The following MRC2 variants were observed in gnomAD, a reference collection of about 807,000 sequenced individuals.
MRC2 encodes C-type mannose receptor 2.
In MRC2, 84 loss-of-function variants were observed where a neutral mutation model predicts 206.2. That is an observed-to-expected ratio of 0.41 (90% confidence interval 0.34 to 0.49). The LOEUF is 0.49. MRC2 is among the 20% of genes least tolerant of loss of function. The pLI, the probability that MRC2 is intolerant of heterozygous loss-of-function variation, is 0.31. For synonymous variants in MRC2, 798 were observed against 800.0 expected, an observed-to-expected ratio of 1.00 and a Z score of 0.04; for missense variants, 1,676 against 2,001.5, an observed-to-expected ratio of 0.84 and a Z score of 3.10.
In MRC2 at chr17:62,664,735, C is replaced by T. The variant is rs1250813664; in HGVS notation, c.306C>T (p.Asn102=). 2 of 1,613,908 alleles carry T rather than the reference C, an allele frequency of 1.2e-6. No homozygotes were observed. Among genetic ancestry groups the T allele is most frequent in the South Asian group, 2.2e-5 (2 of 91,092 alleles). The change falls in exon 2 of 30, where the codon AAC becomes AAT. Residue 102 remains asparagine, a synonymous_variant. Coordinates refer to ENST00000303375, the MANE Select transcript of MRC2 (RefSeq NM_006039.5). This position sits in a 1 kb window ranked among gnomAD's most constrained non-coding sequence, Gnocchi z 4.7. ...TGGGCACAGGCTGGCCAGGCACCAA[C>T]ACCACGGCCTCCCTGGGCATGTATG... The part of the protein sequence containing the change: ...QCLGTGWPGT[N]TTASLGMYEC...
intron 1 of MRC2, among the ~76,000 whole-genome samples, chr17:62,656,395 T>C (rs947852638): frequency 6.6e-6 from 1 of 152,208 alleles, no homozygotes; most frequent in Non-Finnish European, 1.5e-5. Flanking sequence ...TCTCACCATG[T>C]TACCTAGGCT....
intron 6 of MRC2, among the ~76,000 whole-genome samples, chr17:62,670,708 G>GGTTAGGA (rs1287384290): frequency 2.6e-5 from 4 of 152,322 alleles, no homozygotes; most frequent in Middle Eastern, 3.4e-3. Context: ...TGGGGTTCAG[G>GGTTAGGA]GTTAGGAGTT....
At chr17:62,683,633 G>A (rs2088998366) in intron 20 of MRC2, among the ~76,000 whole-genome samples, 1 of 151,116 alleles carries the variant, frequency 6.6e-6, no homozygotes, top group South Asian at 2.1e-4. Flanking sequence ...GGAGGCTGAG[G>A]CAGGAGGATG....
At chr17:62,661,307 T>C (rs1479465205) in intron 1 of MRC2, among the ~76,000 whole-genome samples, 1 of 152,170 alleles carries the variant, frequency 6.6e-6, no homozygotes, top group African/African-American at 2.4e-5. Context: ...TGCCTTCTGT[T>C]GTTGTTGTTT....
chr17:62,651,977 T>C (rs2088561336), intron 1 of MRC2, among the ~76,000 whole-genome samples: 2 of 152,318 alleles, frequency 1.3e-5, no homozygotes, highest in South Asian at 2.1e-4. Context: ...TAAGTTGTTT[T>C]TTTCTTTTAA....
intron 1 of MRC2, among the ~76,000 whole-genome samples, chr17:62,643,201 G>A (rs1808967693): frequency 6.6e-6 from 1 of 151,914 alleles, no homozygotes; most frequent in Non-Finnish European, 1.5e-5. Flanking sequence ...GGCGGCAGGT[G>A]CCTGTAATCT....
At chr17:62,633,373 G>A (rs2147425496) in intron 1 of MRC2, among the ~76,000 whole-genome samples, 1 of 151,834 alleles carries the variant, frequency 6.6e-6, no homozygotes, top group Non-Finnish European at 1.5e-5. Context: ...GTGATGTGGG[G>A]GCGCCTGTAG....
rs758989291 is a variant in MRC2, at chr17:62,692,371, C to T, written c.4360C>T (p.Arg1454Cys). The T allele has an allele frequency of 1.4e-5, 22 of 1,573,432 alleles. No homozygotes were observed. The highest frequency in any genetic ancestry group is 1.7e-4 in the Middle Eastern group (1 of 6,020). The change falls in exon 30 of 30, where the codon CGC becomes TGC. Residue 1454 changes from arginine (R) to cysteine (C), a missense_variant. By Grantham distance (180) the Arg-to-Cys change is radical. This residue lies in a region of MRC2 where 1,354 missense variants were observed against 1,636.6 expected (regional missense o/e 0.83). Transcript: ENST00000303375. The surrounding 1 kb of genome is among the most constrained non-coding windows in gnomAD (Gnocchi z 4.2). ...GGCCTTTGAGGGTGCCCGCTACAGCCGCAGCAGCTCCAGCCCCACCGAGGC... is the reference window on the plus strand; with the variant it reads ...GGCCTTTGAGGGTGCCCGCTACAGCTGCAGCAGCTCCAGCCCCACCGAGGC... ...RGAFEGARYS[R>C]SSSSPTEATE...
chr17:62,691,110 G>A lies in MRC2; in HGVS notation c.4174G>A (p.Val1392Ile), dbSNP rs1053669824. 1.0e-5 allele frequency: 16 copies of A among 1,606,962 alleles called. No individual in the cohort carries two copies. The highest frequency in any genetic ancestry group is 1.7e-4 in the Middle Eastern group (1 of 6,054). ...GACTNITMGV[V>I]CKLPRAEQSS... ...TTGCACCAACATCACCATGGGTGTCGTCTGCAAGCTTCCTCGTGGTGAGCG... is the reference window on the plus strand; with the variant it reads ...TTGCACCAACATCACCATGGGTGTCATCTGCAAGCTTCCTCGTGGTGAGCG... The change falls in exon 28 of 30, where the codon GTC becomes ATC. Residue 1392 changes from valine to isoleucine, a missense_variant. Physicochemically the swap from Val to Ile is conservative, Grantham distance 29. This residue lies in a region of MRC2 where 1,354 missense variants were observed against 1,636.6 expected (regional missense o/e 0.83). Transcript: ENST00000303375.
chr17:62,677,582 A>G, intron 12 of MRC2, 96 bp downstream of exon 12: 1 of 1,116,422 alleles, frequency 9.0e-7, no homozygotes, highest in Non-Finnish European at 1.3e-6. Context: ...CACAATCCAG[A>G]GACACACCAG....
chr17:62,644,354 G>A (rs1247670543), intron 1 of MRC2, among the ~76,000 whole-genome samples: 76 of 150,800 alleles, frequency 5.0e-4, no homozygotes, highest in Admixed American at 5.0e-3. Context: ...AGAAGATGGA[G>A]GTTGCAGTGG....
At position 62,676,015 on chromosome 17, in the gene MRC2, C is replaced by G; in HGVS notation, c.1685+110C>G. 7.0e-6 allele frequency: 6 copies of G among 861,222 alleles called. No homozygotes were observed. In the South Asian group the frequency reaches 9.3e-5, roughly 13 times the overall value. The allele number at this position is 861,222 out of a possible 1,614,324, so 53.3% of individuals were successfully genotyped here. On this transcript the variant is annotated intron_variant, in intron 10 of 29. Coordinates refer to ENST00000303375, the MANE Select transcript of MRC2 (RefSeq NM_006039.5). Reference sequence around the variant, plus strand: ...CATCATGCCCAGAGGGACCTGGAGTCCTGTGAACCTCAGTGGGCTCCAGGG... The same window carrying G: ...CATCATGCCCAGAGGGACCTGGAGTGCTGTGAACCTCAGTGGGCTCCAGGG...
intron 1 of MRC2, among the ~76,000 whole-genome samples, chr17:62,662,924 A>C (rs2088698582): frequency 1.3e-5 from 2 of 152,240 alleles, no homozygotes; most frequent in Admixed American, 1.3e-4. Context: ...AAGAAACAAA[A>C]AAAAGAAACA....
At chr17:62,691,170 G>A (rs780707756) in intron 28 of MRC2, 42 bp downstream of exon 28, 12 of 1,548,268 alleles carry the variant, frequency 7.8e-6, no homozygotes, top group African/African-American at 2.8e-5. Flanking sequence ...CTTCCACCCC[G>A]TGCCGCTGGT....
At position 62,671,765 on chromosome 17, in the gene MRC2, C is replaced by T. The variant is rs775158529; in HGVS notation, c.1234C>T (p.Arg412Trp). ...GCAGGAGTCCAAGAAGGCATGTCTA[C>T]GGGGCGGTGGCGACCTGGTCAGCAT... Reference protein sequence around the residue: ...SWQESKKACLRGGGDLVSIHS... With the variant: ...SWQESKKACLWGGGDLVSIHS... Residue 412 changes from arginine to tryptophan, a missense_variant, in exon 7 of 30, where the codon CGG (arginine) becomes TGG (tryptophan). This residue lies in a region of MRC2 where 1,354 missense variants were observed against 1,636.6 expected (regional missense o/e 0.83). Coordinates refer to ENST00000303375, the MANE Select transcript of MRC2 (RefSeq NM_006039.5). This position sits in a 1 kb window ranked among gnomAD's most constrained non-coding sequence, Gnocchi z 4.5. 23 of 1,612,932 alleles carry T rather than the reference C, an allele frequency of 1.4e-5. No individual in the cohort carries two copies. The highest frequency in any genetic ancestry group is 1.6e-4 in the Middle Eastern group (1 of 6,064).
chr17:62,684,030 G>T (rs1315809807), intron 20 of MRC2: 1 of 152,130 alleles, frequency 6.6e-6, no homozygotes, highest in African/African-American at 2.4e-5. Flanking sequence ...GAAAGTTGAA[G>T]GTTGTTCAAC....
chr17:62,678,783 CT>C, intron 13 of MRC2, 137 bp downstream of exon 13: 1 of 1,256,894 alleles, frequency 8.0e-7, no homozygotes, highest in Non-Finnish European at 1.1e-6. Context: ...CCTGCATCTG[CT>C]GCTGGTGCCA....
intron 1 of MRC2, among the ~76,000 whole-genome samples, chr17:62,645,681 G>A (rs2088475623): frequency 6.7e-6 from 1 of 150,310 alleles, no homozygotes; most frequent in East Asian, 2.0e-4. Context: ...CCACAGGTGT[G>A]CACCACCAAC....
intron 1 of MRC2, among the ~76,000 whole-genome samples, chr17:62,645,984 C>T (rs969038976): frequency 6.6e-6 from 1 of 151,378 alleles, no homozygotes. Flanking sequence ...CATAACTTAT[C>T]CCCTATTGGA....
Sources: gnomAD v4.1 joint callset for allele counts (sites outside exome capture counted in the v4.1 genomes callset) on GRCh38, gnomAD v4.1.1 for gene constraint, gnomAD v4.1.1 regional missense constraint, Gnocchi (gnomAD v3.1) non-coding constraint, MANE v1.5 for transcripts, NCBI Gene and HGNC (gene_info 2026-07-23, HGNC 2026-07-21) for gene names.